SH3RF1: variants seen among roughly 807,000 people sequenced by gnomAD.
SH3RF1 encodes the protein SH3 domain containing ring finger 1.
Under a neutral mutation model 74.0 loss-of-function variants are expected in SH3RF1, and 32 were observed. The ratio of observed to expected loss-of-function variants is 0.43; its 90% CI spans 0.33 to 0.58. The LOEUF (loss-of-function observed/expected upper bound fraction) is 0.58, where lower values mean the gene tolerates loss of function less well. Ranked by LOEUF, SH3RF1 falls within the 20% of genes least tolerant of loss-of-function variation. SH3RF1 has a pLI of 0.05. For missense variants in SH3RF1, 954 were observed against 1,130.9 expected (o/e 0.84, Z 2.24); for synonymous variants, 396 against 439.6 (o/e 0.90, Z 1.24).
At chr4:169,159,247 T>C (rs1734113436) in intron 2 of SH3RF1, among the ~76,000 whole-genome samples, 1 of 152,202 alleles carries the variant, frequency 6.6e-6, no homozygotes, top group South Asian at 2.1e-4. Context: ...TTCTAATTTT[T>C]CTCTACCCTC....
intron 4 of SH3RF1, among the ~76,000 whole-genome samples, chr4:169,154,647 A>G (rs539771133): frequency 6.6e-6 from 1 of 152,164 alleles, no homozygotes; most frequent in Non-Finnish European, 1.5e-5. Flanking sequence ...GTTAACCCTT[A>G]TTTATCCATC....
Position 169,116,391 on chromosome 4 carries a change from A to G in SH3RF1, c.2017T>C (p.Ser673Pro), listed in dbSNP as rs762395799. 7.4e-6 allele frequency: 12 copies of G among 1,614,030 alleles called. No individual in the cohort carries two copies. The highest frequency in any genetic ancestry group is 1.7e-5 in the Admixed American group (1 of 60,002). ...PLTSPSITSA[S>P]LEAEPSGRIV... ...CGGCCACTGGGCTCAGCCTCCAGAG[A>G]AGCACTGGTGATGCTTGGGGAAGTC... The change falls in exon 10 of 12, where the codon TCT becomes CCT. Residue 673 changes from serine to proline, a missense_variant. By Grantham distance (74) the Ser-to-Pro change is moderately conservative. Around this residue, in one of 3 missense-constraint regions of SH3RF1, gnomAD observed 854 missense variants for 962.5 expected, o/e 0.89. Coordinates refer to ENST00000284637, the MANE Select transcript of SH3RF1 (RefSeq NM_020870.4).
intron 2 of SH3RF1, among the ~76,000 whole-genome samples, chr4:169,225,793 G>A (rs1730646790): frequency 6.6e-6 from 1 of 152,176 alleles, no homozygotes; most frequent in African/African-American, 2.4e-5. Flanking sequence ...AGTAAAAATA[G>A]TTAACTTGCA....
rs759619298 is a variant in SH3RF1, at chr4:169,268,948, T to G, written c.265A>C (p.Ser89Arg). 6.2e-7 allele frequency: 1 copy of G among 1,614,142 alleles called. No homozygotes were observed. Among genetic ancestry groups the G allele is most frequent in the Non-Finnish European group, 8.5e-7 (1 of 1,180,026 alleles). ...RPWKPGPGGGSGTNCTNALRS... is the reference protein window; with the variant it reads ...RPWKPGPGGGRGTNCTNALRS... ...AATGCATTTGTGCAGTTGGTCCCACTTCCCCCACCAGGACCAGGTTTCCAA... is the reference window on the plus strand; with the variant it reads ...AATGCATTTGTGCAGTTGGTCCCACGTCCCCCACCAGGACCAGGTTTCCAA... The change falls in exon 2 of 12, where the codon AGT becomes CGT. Residue 89 changes from serine (S) to arginine (R), a missense_variant. Ser to Arg is a moderately radical substitution (Grantham distance 110, BLOSUM62 -1). Around this residue, in one of 3 missense-constraint regions of SH3RF1, gnomAD observed 854 missense variants for 962.5 expected, o/e 0.89. Transcript: ENST00000284637.
chr4:169,130,987 C>A (rs1215039835), intron 5 of SH3RF1, among the ~76,000 whole-genome samples: 13 of 152,168 alleles, frequency 8.5e-5, no homozygotes, highest in Admixed American at 7.9e-4. Context: ...TTGGCTGGTA[C>A]CTGCCTCCCT....
intron 7 of SH3RF1, among the ~76,000 whole-genome samples, chr4:169,121,538 C>T (rs1006978485): frequency 6.6e-6 from 1 of 152,204 alleles, no homozygotes; most frequent in Admixed American, 6.5e-5. Context: ...ACAAAACGTA[C>T]AAGACAACCC....
At chr4:169,191,771 A>G (rs1268834793) in intron 2 of SH3RF1, among the ~76,000 whole-genome samples, 1 of 152,148 alleles carries the variant, frequency 6.6e-6, no homozygotes, top group African/African-American at 2.4e-5. Flanking sequence ...TCGACAAGGC[A>G]AACAAAAACA....
In SH3RF1 at chr4:169,188,003, C is replaced by T. The variant is rs28756350; in HGVS notation, c.394-31324G>A. ...AGAAGGCTGGGTGGTGAGAGGCAGA[C>T]GAAATGATGCAGGCACAAGCCTAGG... On this transcript the variant is annotated intron_variant, in intron 2 of 11. Coordinates refer to ENST00000284637, the MANE Select transcript of SH3RF1 (RefSeq NM_020870.4). Among the ~76,000 whole-genome samples, 723 of 152,040 alleles carry T rather than the reference C, an allele frequency of 4.8e-3. 7 individuals carry two copies. Among genetic ancestry groups the T allele is most frequent in the African/African-American group, 0.017 (703 of 41,472 alleles).
At chr4:169,236,362 G>A (rs572146069) in intron 2 of SH3RF1, among the ~76,000 whole-genome samples, 17 of 152,320 alleles carry the variant, frequency 1.1e-4, no homozygotes, top group Non-Finnish European at 2.2e-4. Flanking sequence ...GTCTCTGAGT[G>A]ACTCTAATGA....
intron 4 of SH3RF1, among the ~76,000 whole-genome samples, chr4:169,143,942 A>G (rs1362516119): frequency 2.0e-5 from 3 of 152,240 alleles, no homozygotes. Context: ...TAGCTGAGGT[A>G]GCTGAAAAAG....
chr4:169,108,379 C>A (rs140836070), intron 10 of SH3RF1, among the ~76,000 whole-genome samples: 1 of 152,318 alleles, frequency 6.6e-6, no homozygotes, highest in East Asian at 1.9e-4. Context: ...AAATCCCTAA[C>A]AACATTGTTC....
At chr4:169,205,128 T>A (rs74697294) in intron 2 of SH3RF1, among the ~76,000 whole-genome samples, 1,774 of 152,310 alleles carry the variant, frequency 0.012, 39 homozygotes, top group African/African-American at 0.04. Context: ...ATGAACTATT[T>A]ATGTTCCAGT....
At chr4:169,097,034 T>C (rs1156275954) in intron 11 of SH3RF1, among the ~76,000 whole-genome samples, 1 of 152,208 alleles carries the variant, frequency 6.6e-6, no homozygotes, top group Admixed American at 6.5e-5. Flanking sequence ...TCCCTCCCTC[T>C]TCTCCAAGGA....
intron 5 of SH3RF1, among the ~76,000 whole-genome samples, chr4:169,133,093 T>G (rs1579098779): frequency 6.6e-6 from 1 of 152,282 alleles, no homozygotes; most frequent in East Asian, 1.9e-4. Flanking sequence ...CATCTCTAAT[T>G]GCCATATAGA....
intron 2 of SH3RF1, among the ~76,000 whole-genome samples, chr4:169,192,489 G>A (rs1304979677): frequency 6.6e-6 from 1 of 152,088 alleles, no homozygotes; most frequent in Non-Finnish European, 1.5e-5. Flanking sequence ...AAAAATAGTA[G>A]ATGCTGGCAT....
intron 11 of SH3RF1, among the ~76,000 whole-genome samples, chr4:169,098,781 T>C (rs1473252102): frequency 6.6e-6 from 1 of 152,202 alleles, no homozygotes; most frequent in Non-Finnish European, 1.5e-5. Flanking sequence ...CAGCTTAACT[T>C]TGGGCCAGTT....
chr4:169,212,841 C>T (rs778186217), intron 2 of SH3RF1, among the ~76,000 whole-genome samples: 9 of 152,214 alleles, frequency 5.9e-5, no homozygotes, highest in Non-Finnish European at 1.0e-4. Context: ...AAAAATCCTG[C>T]GTGCTCAACT....
intron 2 of SH3RF1, among the ~76,000 whole-genome samples, chr4:169,261,953 C>CA (rs1731284862): frequency 6.6e-6 from 1 of 151,272 alleles, no homozygotes; most frequent in Non-Finnish European, 1.5e-5. Flanking sequence ...ATTTTTTAAA[C>CA]AGAAAGAAAA....
At chr4:169,169,559 T>C (rs1734292924) in intron 2 of SH3RF1, among the ~76,000 whole-genome samples, 1 of 151,922 alleles carries the variant, frequency 6.6e-6, no homozygotes, top group South Asian at 2.1e-4. Flanking sequence ...ACTGCACCAC[T>C]GCACTCCAGC....
Sources: allele counts gnomAD v4.1 joint callset (sites outside exome capture counted in the v4.1 genomes callset), GRCh38; gene constraint gnomAD v4.1.1; regional missense constraint gnomAD v4.1.1; transcripts MANE v1.5; gene names NCBI Gene and HGNC (gene_info 2026-07-23, HGNC 2026-07-21).